Variants in USH2A observed in about 807,000 individuals in gnomAD.
USH2A encodes the protein Usher syndrome 2A (autosomal recessive, mild).
USH2A carries 443 observed loss-of-function variants against 538.9 expected under a neutral mutation model. That is an observed-to-expected ratio of 0.82 (90% confidence interval 0.76 to 0.89). The LOEUF (loss-of-function observed/expected upper bound fraction) is 0.89, where lower values mean the gene tolerates loss of function less well. Ranked by LOEUF, USH2A falls within the 40% of genes least tolerant of loss-of-function variation. The probability of loss-of-function intolerance (pLI) is 0.00; values close to 1 mark genes in which losing one functional copy is unlikely to be tolerated. For synonymous variants in USH2A, 2,413 were observed against 2,273.5 expected (o/e 1.06, Z -1.75); for missense variants, 6,633 against 6,324.8 (o/e 1.05, Z -1.65).
intron 29 of USH2A, 84 bp downstream of exon 29, chr1:216,072,805 G>T: frequency 1.5e-6 from 2 of 1,301,556 alleles, no homozygotes; most frequent in Non-Finnish European, 2.2e-6. Context: ...TACTGCTTCA[G>T]GGTAATAGTC....
chr1:216,328,108 T>G (rs185660090), intron 4 of USH2A, among the ~76,000 whole-genome samples: 213 of 152,254 alleles, frequency 1.4e-3, no homozygotes, highest in Non-Finnish European at 2.4e-3. Context: ...GGCTATCTGT[T>G]TGGGTTCTCT....
intron 53 of USH2A, 85 bp downstream of exon 53, chr1:215,782,653 G>A: frequency 2.2e-6 from 3 of 1,382,512 alleles, no homozygotes; most frequent in Non-Finnish European, 3.0e-6. Context: ...GATGCATAGG[G>A]CAATTAAATG....
intron 71 of USH2A, among the ~76,000 whole-genome samples, chr1:215,627,145 G>A (rs1209162202): frequency 7.9e-5 from 12 of 152,208 alleles, no homozygotes; most frequent in Admixed American, 7.2e-4. Context: ...TGGGTCCAGC[G>A]AACTCCCTTT....
At position 215,623,141 on chromosome 1, in the gene USH2A, T is replaced by A. The variant is rs2102618652; in HGVS notation, c.*2640A>T. ...GAAATTACAGTAGATTATAAACACA[T>A]TTCTTAGAGTGTATAAAAACAACTG... On this transcript the variant is annotated 3_prime_UTR_variant, in exon 72 of 72. Transcript: ENST00000307340. 6.6e-6 allele frequency: 1 copy of A among 152,234 alleles called. No homozygotes were observed. Among genetic ancestry groups the A allele is most frequent in the South Asian group, 2.1e-4 (1 of 4,828 alleles). The allele number at this position is 152,234 out of a possible 1,614,324, so 9.4% of individuals were successfully genotyped here.
At chr1:216,038,158 C>T (rs2030082218) in intron 32 of USH2A, among the ~76,000 whole-genome samples, 1 of 151,976 alleles carries the variant, frequency 6.6e-6, no homozygotes, top group Non-Finnish European at 1.5e-5. Flanking sequence ...TGTCTTGTTC[C>T]TTGTCCTTTA....
chr1:215,820,973 C>G (rs1052922012), intron 47 of USH2A, among the ~76,000 whole-genome samples: 1 of 151,742 alleles, frequency 6.6e-6, no homozygotes, highest in African/African-American at 2.4e-5. Context: ...ACCACATTTT[C>G]TTTATCCATT....
At chr1:216,314,064 G>T (rs2037467137) in intron 9 of USH2A, among the ~76,000 whole-genome samples, 1 of 151,894 alleles carries the variant, frequency 6.6e-6, no homozygotes, top group Non-Finnish European at 1.5e-5. Context: ...GCCTACTTGG[G>T]ATTCAGAAAA....
intron 40 of USH2A, among the ~76,000 whole-genome samples, chr1:215,890,961 T>G (rs1558147570): frequency 6.6e-6 from 1 of 152,018 alleles, no homozygotes; most frequent in Non-Finnish European, 1.5e-5. Flanking sequence ...ATATTTTTTA[T>G]TAGGGTTTTC....
chr1:216,005,484 G>A (rs1456774331), intron 32 of USH2A, among the ~76,000 whole-genome samples: 1 of 152,148 alleles, frequency 6.6e-6, no homozygotes, highest in Non-Finnish European at 1.5e-5. Context: ...CAGGAATGGT[G>A]TGATGACTAA....
intron 60 of USH2A, among the ~76,000 whole-genome samples, chr1:215,731,931 C>A (rs1335556277): frequency 1.3e-5 from 2 of 152,172 alleles, no homozygotes; most frequent in East Asian, 1.9e-4. Flanking sequence ...CTTGGGTGAA[C>A]TTGCCTGTCT....
rs557443575 is a variant in USH2A at position 215,819,870 on chromosome 1, A to G, written c.9372-2675T>C. On this transcript the variant is annotated intron_variant, in intron 47 of 71. Coordinates refer to ENST00000307340, the MANE Select transcript of USH2A (RefSeq NM_206933.4). ...AGAGTATTGGGTTTAACATCTGTAC[A>G]TCTCTCATTAGAGCCAACTGGAGAG... 3.9e-5 allele frequency among the ~76,000 whole-genome samples: 6 copies of G among 151,938 alleles called. No homozygotes were observed. The East Asian group carries it at 1.2e-3, about 29-fold the overall frequency.
chr1:215,764,162 C>G (rs1236158657), intron 56 of USH2A, among the ~76,000 whole-genome samples: 1 of 152,104 alleles, frequency 6.6e-6, no homozygotes, highest in African/African-American at 2.4e-5. Context: ...TTTGGTAGCT[C>G]TCAGCCTTCA....
Position 216,232,099 on chromosome 1 carries a change from C to A in USH2A, c.2847G>T (p.Leu949=). 1 of 1,613,782 alleles carries A rather than the reference C, an allele frequency of 6.2e-7. No homozygotes were observed. Among genetic ancestry groups the A allele is most frequent in the Non-Finnish European group, 8.5e-7 (1 of 1,179,814 alleles). Residue 949 remains leucine, a synonymous_variant, in exon 14 of 72, where the codon CTG becomes CTT. Transcript: ENST00000307340. Reference sequence around the variant, plus strand: ...CACCAGTTGTATGGCATGAGCATGGCAGGCAGCCAGTGGCATTGCCTGGAG... The same window carrying A: ...CACCAGTTGTATGGCATGAGCATGGAAGGCAGCCAGTGGCATTGCCTGGAG... ...YISPGNATGC[L]PCSCHTTGAV...
Position 215,907,106 on chromosome 1 carries a change from G to T in USH2A, c.7301-6201C>A, listed in dbSNP as rs767882589. Among the ~76,000 whole-genome samples, 7 of 152,038 alleles carry T rather than the reference G, an allele frequency of 4.6e-5. No individual in the cohort carries two copies. In the South Asian group the frequency reaches 1.0e-3, roughly 23 times the overall value. The stretch of plus-strand genomic sequence containing the variant: ...AAAGCTCTTTCTGATGTAGAACAAA[G>T]AATTGTATGGGTTCTACAAAACTTA... On this transcript the variant is annotated intron_variant, in intron 38 of 71. Coordinates refer to ENST00000307340, the MANE Select transcript of USH2A (RefSeq NM_206933.4).
intron 71 of USH2A, among the ~76,000 whole-genome samples, chr1:215,628,407 CT>C (rs1423149932): frequency 6.6e-6 from 1 of 152,054 alleles, no homozygotes; most frequent in Non-Finnish European, 1.5e-5. Context: ...CTCAGCCCCC[CT>C]AGTAGCTGGG....
At chr1:215,951,623 C>T (rs1347833733) in intron 37 of USH2A, among the ~76,000 whole-genome samples, 2 of 151,986 alleles carry the variant, frequency 1.3e-5, no homozygotes, top group Non-Finnish European at 1.5e-5. Context: ...AACTTTCTGT[C>T]TCGTTGATCT....
chr1:216,026,022 C>T (rs1039060924), intron 32 of USH2A, among the ~76,000 whole-genome samples: 7 of 151,988 alleles, frequency 4.6e-5, no homozygotes, highest in African/African-American at 1.7e-4. Flanking sequence ...TGCAAAATAG[C>T]CTTTTAAAGG....
intron 21 of USH2A, among the ~76,000 whole-genome samples, chr1:216,098,494 C>A (rs1408102459): frequency 6.6e-6 from 1 of 151,960 alleles, no homozygotes; most frequent in East Asian, 1.9e-4. Flanking sequence ...AACCAAAAGC[C>A]CTACATAGGT....
At chr1:215,957,708 C>T (rs952907971) in intron 37 of USH2A, among the ~76,000 whole-genome samples, 10 of 152,094 alleles carry the variant, frequency 6.6e-5, no homozygotes, top group African/African-American at 2.4e-4. Flanking sequence ...TTTCTTCCAC[C>T]AGGAAATATA....
Sources: allele counts gnomAD v4.1 joint callset (sites outside exome capture counted in the v4.1 genomes callset), GRCh38; gene constraint gnomAD v4.1.1; transcripts MANE v1.5; gene names NCBI Gene and HGNC (gene_info 2026-07-23, HGNC 2026-07-21).